Variants in GALNT11 observed in about 807,000 individuals in gnomAD.
GALNT11 encodes polypeptide N-acetylgalactosaminyltransferase 11, also known as UDP-GalNAc:polypeptide N-acetylgalactosaminyltransferase 11.
A neutral mutation model predicts 72.7 loss-of-function variants in GALNT11; 47 were observed. That is an observed-to-expected ratio of 0.65 (90% CI 0.51 to 0.82). The LOEUF (loss-of-function observed/expected upper bound fraction) is 0.82, where lower values mean the gene tolerates loss of function less well. GALNT11 is among the 40% of genes least tolerant of loss of function. The pLI is 0.00. For synonymous variants in GALNT11, 270 were observed against 286.6 expected (o/e 0.94, Z 0.58); for missense variants, 677 against 778.4 (o/e 0.87, Z 1.55).
intron 3 of GALNT11, 97 bp from the exon 4 acceptor site, chr7:152,103,015 A>T: frequency 5.6e-6 from 6 of 1,063,540 alleles, no homozygotes; most frequent in Non-Finnish European, 8.0e-6. Context: ...GTGGGGGAAG[A>T]GGGTGAACAA....
chr7:152,031,576 C>T (rs902549785), intron 1 of GALNT11, among the ~76,000 whole-genome samples: 3 of 152,214 alleles, frequency 2.0e-5, no homozygotes, highest in African/African-American at 7.2e-5. Flanking sequence ...AGGATGGGTA[C>T]TGCTGCAACT....
chr7:152,102,993 A>T, intron 3 of GALNT11, 119 bp from the exon 4 acceptor site: 2 of 988,014 alleles, frequency 2.0e-6, no homozygotes, highest in East Asian at 2.7e-5. Context: ...AAAAAAAAAA[A>T]AAAGGCAGGG....
chr7:152,085,665 T>A (rs1200496669), intron 1 of GALNT11, among the ~76,000 whole-genome samples: 1 of 152,158 alleles, frequency 6.6e-6, no homozygotes, highest in African/African-American at 2.4e-5. Flanking sequence ...AGAAATTTAT[T>A]GAATAATAGA....
chr7:152,098,429 AAAAT>A (rs563974599), intron 2 of GALNT11, among the ~76,000 whole-genome samples: 6 of 152,058 alleles, frequency 3.9e-5, no homozygotes, highest in East Asian at 1.9e-4. Context: ...TGTCTCAAAA[AAAAT>A]AAATAAATAA....
At position 152,084,402 on chromosome 7, in the gene GALNT11, A is replaced by C. The variant is rs959911119; in HGVS notation, c.-38-9788A>C. ...CTTTAAAAAAAAAAAAAAAAAAAAA[A>C]AACTTTTACATTTTCAAGTTGATTT... On this transcript the variant is annotated intron_variant, in intron 1 of 11. Transcript: ENST00000430044. Among the ~76,000 whole-genome samples the C allele has an allele frequency of 4.8e-3, 730 of 151,474 alleles. 8 individuals carry two copies. Among genetic ancestry groups the C allele is most frequent in the African/African-American group, 0.017 (701 of 41,218 alleles).
Position 152,055,848 on chromosome 7 carries a change from C to G in GALNT11, c.-39+29964C>G, listed in dbSNP as rs984539921. ...TTGTTTTGTGATAATTGTAGATTCA[C>G]ATGTAATTATAAGAAATAATATCAA... On this transcript the variant is annotated intron_variant, in intron 1 of 11. Coordinates refer to ENST00000430044, the MANE Select transcript of GALNT11 (RefSeq NM_022087.4). Among the ~76,000 whole-genome samples, 20 of 152,106 alleles carry G rather than the reference C, an allele frequency of 1.3e-4. No homozygotes were observed. In the South Asian group the frequency reaches 1.9e-3, roughly 14 times the overall value.
chr7:152,035,986 C>T (rs2082557024), intron 1 of GALNT11, among the ~76,000 whole-genome samples: 1 of 152,320 alleles, frequency 6.6e-6, no homozygotes, highest in East Asian at 1.9e-4. Context: ...CTTCTGCTAA[C>T]TTGCTGATGC....
intron 1 of GALNT11, among the ~76,000 whole-genome samples, chr7:152,037,865 T>A (rs1052937100): frequency 6.6e-6 from 1 of 152,108 alleles, no homozygotes; most frequent in Admixed American, 6.5e-5. Flanking sequence ...ACCTCCTGGG[T>A]TCGCATGATT....
At chr7:152,092,217 T>C (rs2086085794) in intron 1 of GALNT11, among the ~76,000 whole-genome samples, 1 of 152,230 alleles carries the variant, frequency 6.6e-6, no homozygotes, top group South Asian at 2.1e-4. Context: ...TAGGGAGTTA[T>C]AATGTCTGTT....
At chr7:152,096,693 C>A (rs10252047) in intron 2 of GALNT11, among the ~76,000 whole-genome samples, 7,014 of 137,720 alleles carry the variant, frequency 0.051, 578 homozygotes, top group African/African-American at 0.18. Flanking sequence ...GTAGCCTGGG[C>A]GACAGAGCAA....
At chr7:152,052,419 ATACCTATAT>A (rs2083448847) in intron 1 of GALNT11, among the ~76,000 whole-genome samples, 1 of 152,194 alleles carries the variant, frequency 6.6e-6, no homozygotes, top group South Asian at 2.1e-4. Context: ...TTTATACAGT[ATACCTATAT>A]ATAGTGGAGT....
Position 152,052,613 on chromosome 7 carries a change from C to T in GALNT11, c.-39+26729C>T, listed in dbSNP as rs111358453. On this transcript the variant is annotated intron_variant, in intron 1 of 11. Transcript: ENST00000430044. ...AGCTTCTCTATAAATCTTTGTGGCA[C>T]CTCACATTGCTGTCGATAGACCCTC... Among the ~76,000 whole-genome samples the T allele has an allele frequency of 2.8e-3, 429 of 152,274 alleles. 1 individual carries two copies. The highest frequency in any genetic ancestry group is 0.01 in the Middle Eastern group (3 of 294).
rs189743024 is a variant in GALNT11, at chr7:152,046,600, T to A, written c.-39+20716T>A. ...TTCTTGAGATCCATTTTGTTTGATA[T>A]AAATATAGCTACTCCTGCTCTTTTT... is the stretch of plus-strand genomic sequence containing the variant. On this transcript the variant is annotated intron_variant, in intron 1 of 11. Transcript: ENST00000430044. 1.5e-3 allele frequency among the ~76,000 whole-genome samples: 232 copies of A among 152,348 alleles called. 2 individuals carry two copies. Among genetic ancestry groups the A allele is most frequent in the African/African-American group, 5.3e-3 (222 of 41,588 alleles).
intron 1 of GALNT11, among the ~76,000 whole-genome samples, chr7:152,033,594 TA>T (rs1467456783): frequency 7.2e-5 from 11 of 152,220 alleles, no homozygotes; most frequent in Non-Finnish European, 1.3e-4. Flanking sequence ...TACATTTTCT[TA>T]AGGCCTCCTG....
At chr7:152,038,164 G>A (rs1002265064) in intron 1 of GALNT11, among the ~76,000 whole-genome samples, 1 of 152,170 alleles carries the variant, frequency 6.6e-6, no homozygotes, top group Non-Finnish European at 1.5e-5. Flanking sequence ...CCCTTACCCA[G>A]CGGCGCTAGA....
At chr7:152,062,007 T>G (rs958996418) in intron 1 of GALNT11, among the ~76,000 whole-genome samples, 3 of 152,246 alleles carry the variant, frequency 2.0e-5, no homozygotes, top group Admixed American at 2.0e-4. Flanking sequence ...TCCAATTCTG[T>G]GAAGAAAGTC....
At chr7:152,066,815 G>T (rs1200148775) in intron 1 of GALNT11, among the ~76,000 whole-genome samples, 1 of 152,140 alleles carries the variant, frequency 6.6e-6, no homozygotes, top group East Asian at 1.9e-4. Flanking sequence ...ATCTGCACGT[G>T]GTTCCTTGTG....
At chr7:152,099,426 C>T (rs187322718) in intron 2 of GALNT11, among the ~76,000 whole-genome samples, 9 of 148,762 alleles carry the variant, frequency 6.0e-5, no homozygotes, top group African/African-American at 1.5e-4. Flanking sequence ...TGCAGTGGCG[C>T]GATCTTGGCT....
At chr7:152,050,049 C>G (rs752995426) in intron 1 of GALNT11, among the ~76,000 whole-genome samples, 10 of 152,102 alleles carry the variant, frequency 6.6e-5, no homozygotes, top group Non-Finnish European at 1.0e-4. Flanking sequence ...AAATACCATC[C>G]AAGAGCCAAG....
Sources: gnomAD v4.1 joint callset for allele counts (sites outside exome capture counted in the v4.1 genomes callset) on GRCh38, gnomAD v4.1.1 for gene constraint, MANE v1.5 for transcripts, NCBI Gene and HGNC (gene_info 2026-07-23, HGNC 2026-07-21) for gene names.